CCDC57: variants seen among roughly 807,000 people sequenced by gnomAD.
The protein encoded by CCDC57 is coiled-coil domain containing 57, also known as coiled-coil domain-containing protein 57.
In CCDC57, 118 loss-of-function variants were observed where a neutral mutation model predicts 118.9. The observed-to-expected ratio is 0.99, with a 90% CI of 0.86 to 1.16. The LOEUF (loss-of-function observed/expected upper bound fraction) is 1.16, where lower values mean the gene tolerates loss of function less well. Among genes scored for constraint, CCDC57 ranks in the 50% most tolerant of loss-of-function variants. CCDC57 has a pLI of 0.00. For missense variants in CCDC57, 1,300 were observed against 1,320.7 expected (o/e 0.98, Z 0.24); for synonymous variants, 527 against 532.9 (o/e 0.99, Z 0.15).
At chr17:82,103,739 C>T (rs1489544127) in intron 19 of CCDC57, among the ~76,000 whole-genome samples, 1 of 152,188 alleles carries the variant, frequency 6.6e-6, no homozygotes, top group African/African-American at 2.4e-5. Flanking sequence ...GCCCCTTTGC[C>T]TGGGAGGCCT....
At chr17:82,136,220 A>T (rs985521932) in intron 16 of CCDC57, among the ~76,000 whole-genome samples, 3 of 152,220 alleles carry the variant, frequency 2.0e-5, no homozygotes, top group African/African-American at 7.2e-5. Flanking sequence ...ACAAATGCCT[A>T]CAGTGGCCTG....
chr17:82,163,583 T>G (rs2043609252), intron 13 of CCDC57, among the ~76,000 whole-genome samples: 1 of 152,166 alleles, frequency 6.6e-6, no homozygotes, highest in African/African-American at 2.4e-5. Flanking sequence ...CAAGAATCCT[T>G]GTAGGAAAAA....
At chr17:82,146,608 G>A (rs913458617) in intron 16 of CCDC57, among the ~76,000 whole-genome samples, 2 of 152,178 alleles carry the variant, frequency 1.3e-5, no homozygotes, top group South Asian at 2.1e-4. Context: ...GGTATGTTTG[G>A]TATAATCAAA....
rs773144253 is a variant in CCDC57 at position 82,157,381 on chromosome 17, C to T, written c.2241+367G>A. 3.5e-5 allele frequency: 39 copies of T among 1,098,736 alleles called. No homozygotes were observed. In the East Asian group the frequency reaches 6.9e-4, roughly 19 times the overall value. The allele number at this position is 1,098,736 out of a possible 1,614,324, so 68.1% of individuals were successfully genotyped here. ...GGCATGGGGCAGGCATGGCTGTGCA[C>T]GCAGACGCCCCCTCAGCAGGCCGTC... On this transcript the variant is annotated intron_variant, in intron 15 of 19. Coordinates refer to ENST00000665763, the Ensembl canonical transcript of CCDC57.
At chr17:82,139,809 A>G (rs1267527295) in intron 16 of CCDC57, among the ~76,000 whole-genome samples, 1 of 152,210 alleles carries the variant, frequency 6.6e-6, no homozygotes, top group Non-Finnish European at 1.5e-5. Flanking sequence ...CACTGAGCCC[A>G]TCCCAGGACT....
At chr17:82,104,751 G>C (rs1163586336) in intron 19 of CCDC57, 1 of 152,214 alleles carries the variant, frequency 6.6e-6, no homozygotes, top group Non-Finnish European at 1.5e-5. Context: ...ATGTTAACCA[G>C]GATGGTCTCG....
chr17:82,139,960 T>C (rs562084716), intron 16 of CCDC57, among the ~76,000 whole-genome samples: 20 of 152,376 alleles, frequency 1.3e-4, no homozygotes, highest in African/African-American at 4.8e-4. Context: ...GTTTTTTTAA[T>C]GTTCTACTTT....
chr17:82,195,273 C>A (rs367590033), exon 5 of CCDC57: 1 of 1,593,424 alleles, frequency 6.3e-7, no homozygotes, highest in East Asian at 2.3e-5. Context: ...CTTAAGCTCC[C>A]GGGACAAGGC....
intron 5 of CCDC57, 128 bp downstream of exon 4, chr17:82,195,135 T>C: frequency 2.7e-6 from 2 of 729,446 alleles, no homozygotes. Flanking sequence ...TCGCTGGGCT[T>C]GAACTCCTGG....
At chr17:82,181,255 C>T (rs2046177492) in intron 9 of CCDC57, among the ~76,000 whole-genome samples, 1 of 152,244 alleles carries the variant, frequency 6.6e-6, no homozygotes, top group Non-Finnish European at 1.5e-5. Flanking sequence ...GGGAACGAAG[C>T]AGCCAGCACG....
At chr17:82,127,880 C>G in exon 19 of CCDC57, 1 of 1,612,064 alleles carries the variant, frequency 6.2e-7, no homozygotes, top group South Asian at 1.1e-5. Flanking sequence ...AGGTGATTTA[C>G]AGGTCACCGT....
Position 82,127,615 on chromosome 17 carries a change from C to G in CCDC57, c.2899+77G>C, listed in dbSNP as rs117364677. On this transcript the variant is annotated intron_variant, in intron 19 of 19. Coordinates refer to ENST00000665763, the Ensembl canonical transcript of CCDC57. Reference sequence around the variant, plus strand: ...GCAGGAGGCACGCAGGGTGCTGACTCTCCACATGCCCCTCGGAGAGGGTGG... The same window carrying G: ...GCAGGAGGCACGCAGGGTGCTGACTGTCCACATGCCCCTCGGAGAGGGTGG... 343 of 1,503,148 alleles carry G rather than the reference C, an allele frequency of 2.3e-4. 2 individuals are homozygous for G. In the East Asian group the frequency reaches 8.4e-3, roughly 37 times the overall value. The allele number at this position is 1,503,148 out of a possible 1,614,324, so 93.1% of individuals were successfully genotyped here.
intron 13 of CCDC57, among the ~76,000 whole-genome samples, chr17:82,165,153 T>C (rs1301772209): frequency 1.3e-5 from 2 of 152,188 alleles, no homozygotes; most frequent in African/African-American, 4.8e-5. Context: ...AGACTGTGTC[T>C]CATTTAAACA....
intron 9 of CCDC57, among the ~76,000 whole-genome samples, chr17:82,181,579 A>G (rs759031079): frequency 2.6e-5 from 4 of 152,252 alleles, no homozygotes; most frequent in Non-Finnish European, 4.4e-5. Flanking sequence ...GGAAGTAGAA[A>G]AAAATGTAGC....
At chr17:82,151,105 TGACCCACACCCAGAACCA>T (rs2041956526) in intron 16 of CCDC57, among the ~76,000 whole-genome samples, 2 of 102,824 alleles carry the variant, frequency 1.9e-5, no homozygotes, top group African/African-American at 7.9e-5. Flanking sequence ...ACCCAGAACC[TGACCCACACCCAGAACCA>T]GGCGCACACC....
chr17:82,159,638 A>C (rs971810404), intron 14 of CCDC57, among the ~76,000 whole-genome samples: 1 of 151,834 alleles, frequency 6.6e-6, no homozygotes, highest in Admixed American at 6.6e-5. Flanking sequence ...ATCATGTCGC[A>C]TACCATAGAG....
At chr17:82,175,745 C>T (rs1380925912) in intron 11 of CCDC57, 2 of 152,366 alleles carry the variant, frequency 1.3e-5, no homozygotes, top group African/African-American at 4.8e-5. Flanking sequence ...CACCGGTGCG[C>T]ATCCTCAACC....
At chr17:82,157,631 C>T (rs2042833819) in intron 15 of CCDC57, 117 bp downstream of exon 14, 1 of 1,461,846 alleles carries the variant, frequency 6.8e-7, no homozygotes, top group African/African-American at 1.4e-5. Context: ...TCACTGCAGC[C>T]CTCGTCCCAC....
intron 17 of CCDC57, among the ~76,000 whole-genome samples, chr17:82,133,084 G>A (rs8065210): frequency 0.47 from 71,186 of 151,932 alleles, 17,531 homozygotes; most frequent in East Asian, 0.88. Context: ...AAAGATACAA[G>A]TTGTGGCTGG....
Sources: gnomAD v4.1 joint callset for allele counts (sites outside exome capture counted in the v4.1 genomes callset) on GRCh38, gnomAD v4.1.1 for gene constraint, MANE v1.5 for transcripts, NCBI Gene and HGNC (gene_info 2026-07-23, HGNC 2026-07-21) for gene names.